Variants in PCDHA9 observed in about 807,000 individuals in gnomAD.
PCDHA9 encodes the protein protocadherin alpha-9.
PCDHA9 carries 62 observed loss-of-function variants against 62.0 expected under a neutral mutation model. The observed-to-expected ratio is 1.00, with a 90% CI of 0.81 to 1.23. PCDHA9 has a LOEUF of 1.23. Ranked by LOEUF, PCDHA9 falls within the 50% of genes most tolerant of loss-of-function variation. PCDHA9 has a pLI of 0.00. For synonymous variants in PCDHA9, 557 were observed against 567.6 expected (o/e 0.98, Z 0.27); for missense variants, 1,205 against 1,249.8 (o/e 0.96, Z 0.54).
At chr5:140,855,517 A>G (rs2043504995) in intron 1 of PCDHA9, among the ~76,000 whole-genome samples, 1 of 149,978 alleles carries the variant, frequency 6.7e-6, no homozygotes, top group Admixed American at 6.7e-5. Flanking sequence ...TCTCAAAATA[A>G]TGAGAAAGAG....
intron 1 of PCDHA9, among the ~76,000 whole-genome samples, chr5:140,901,988 T>C (rs892830479): frequency 6.6e-6 from 1 of 152,164 alleles, no homozygotes; most frequent in Admixed American, 6.6e-5. Context: ...TTTAATTTCA[T>C]TTTCAGATTG....
At chr5:140,954,119 C>A (rs547590061) in intron 1 of PCDHA9, among the ~76,000 whole-genome samples, 1 of 152,274 alleles carries the variant, frequency 6.6e-6, no homozygotes, top group African/African-American at 2.4e-5. Flanking sequence ...AGATCTTGTT[C>A]CTTTTTATGG....
At chr5:140,897,458 G>T (rs191522392) in intron 1 of PCDHA9, among the ~76,000 whole-genome samples, 1 of 151,310 alleles carries the variant, frequency 6.6e-6, no homozygotes, top group African/African-American at 2.4e-5. Flanking sequence ...TTGTCCTTGC[G>T]ATAGTTTACT....
In PCDHA9 at chr5:140,849,276, G is replaced by T; in HGVS notation, c.781G>T (p.Val261Leu). Residue 261 changes from valine to leucine, a missense_variant, in exon 1 of 4, where the codon GTG (valine) becomes TTG (leucine). Physicochemically the swap from Val to Leu is conservative, Grantham distance 32. This residue lies in a region of PCDHA9 where 110 missense variants were observed against 227.2 expected (regional missense o/e 0.48). Transcript: ENST00000532602. ...AGAAAACGTTTCTATCGGAACGCTG[G>T]TGATTCACCCCAATGCCTCAGATTT... ...LPENVSIGTL[V>L]IHPNASDLDE... is the part of the protein sequence containing the mutation. 8.5e-7 allele frequency: 1 copy of T among 1,173,354 alleles called. No homozygotes were observed. Among genetic ancestry groups the T allele is most frequent in the Non-Finnish European group, 1.2e-6 (1 of 852,772 alleles). 72.7% of individuals were successfully genotyped at this position (1,173,354 alleles called of 1,614,324 possible).
At chr5:140,915,582 G>T (rs991142864) in intron 1 of PCDHA9, among the ~76,000 whole-genome samples, 1 of 151,936 alleles carries the variant, frequency 6.6e-6, no homozygotes, top group Non-Finnish European at 1.5e-5. Context: ...CCAGGCAAAA[G>T]CACTTGTTCT....
At chr5:140,892,537 CTT>C (rs570429050) in intron 1 of PCDHA9, among the ~76,000 whole-genome samples, 2 of 152,252 alleles carry the variant, frequency 1.3e-5, no homozygotes, top group South Asian at 4.1e-4. Flanking sequence ...AGGATTCTGA[CTT>C]TTGTTTCTCT....
chr5:140,901,557 A>G (rs782333756), intron 1 of PCDHA9, among the ~76,000 whole-genome samples: 4 of 152,034 alleles, frequency 2.6e-5, no homozygotes, highest in Non-Finnish European at 5.9e-5. Context: ...CCATTCATCT[A>G]TGTGTCTGTT....
intron 1 of PCDHA9, among the ~76,000 whole-genome samples, chr5:140,938,831 A>G (rs782069247): frequency 2.0e-5 from 3 of 152,118 alleles, no homozygotes; most frequent in Non-Finnish European, 4.4e-5. Flanking sequence ...AGTTTGCGTT[A>G]TAACAAACCT....
chr5:140,927,601 G>C lies in PCDHA9; in HGVS notation c.2395-51348G>C, dbSNP rs1490799029. 27 of 1,614,082 alleles carry C rather than the reference G, an allele frequency of 1.7e-5. No individual in the cohort carries two copies. Among genetic ancestry groups the C allele is most frequent in the Non-Finnish European group, 2.3e-5 (27 of 1,180,040 alleles). Reference sequence around the variant, plus strand: ...CAACGCGCCTGTATTTGAGCGCTCCGTATACCGCACCAAGGTTCCAGAGAC... The same window carrying C: ...CAACGCGCCTGTATTTGAGCGCTCCCTATACCGCACCAAGGTTCCAGAGAC... On this transcript the variant is annotated intron_variant, in intron 1 of 3. Transcript: ENST00000532602.
intron 1 of PCDHA9, chr5:140,876,840 G>C: frequency 6.2e-7 from 1 of 1,614,166 alleles, no homozygotes; most frequent in Non-Finnish European, 8.5e-7. Flanking sequence ...CTGCGTTCGC[G>C]CAGCCCGAGT....
At chr5:140,877,970 T>A in intron 1 of PCDHA9, 1 of 1,279,190 alleles carries the variant, frequency 7.8e-7, no homozygotes. Flanking sequence ...TTCTTGGTCA[T>A]TCTTACTCAT....
intron 1 of PCDHA9, chr5:140,862,474 T>C (rs1342820666): frequency 2.6e-6 from 1 of 377,454 alleles, no homozygotes. Flanking sequence ...AGCAAATCTA[T>C]CCATTGTTGG....
rs2150424044 is a variant in PCDHA9, at chr5:140,848,904, C to G, written c.409C>G (p.Gln137Glu). ...CAACCCTCCAGTGTTCCCAGCGACACAAAAGAATCTGTTCATCGCGGAATC... is the reference window on the plus strand; with the variant it reads ...CAACCCTCCAGTGTTCCCAGCGACAGAAAAGAATCTGTTCATCGCGGAATC... ...NDNPPVFPAT[Q>E]KNLFIAESRP... The change falls in exon 1 of 4, where the codon CAA becomes GAA. Residue 137 changes from glutamine to glutamate, a missense_variant. Physicochemically the swap from Gln to Glu is conservative, Grantham distance 29. Coordinates refer to ENST00000532602, the MANE Select transcript of PCDHA9 (RefSeq NM_031857.2). 1 of 1,608,060 alleles carries G rather than the reference C, an allele frequency of 6.2e-7. No individual in the cohort carries two copies. Among genetic ancestry groups the G allele is most frequent in the Non-Finnish European group, 8.5e-7 (1 of 1,176,922 alleles).
intron 1 of PCDHA9, among the ~76,000 whole-genome samples, chr5:140,925,065 G>C (rs782540022): frequency 2.0e-5 from 3 of 151,188 alleles, no homozygotes; most frequent in Non-Finnish European, 4.4e-5. Flanking sequence ...GGGCAACAAA[G>C]CAACACGCTC....
In PCDHA9 at chr5:140,849,102, G is replaced by A; in HGVS notation, c.607G>A (p.Glu203Lys). The change falls in exon 1 of 4, where the codon GAA becomes AAA. Residue 203 changes from glutamate (E) to lysine (K), a missense_variant. Glu to Lys is a moderately conservative substitution (Grantham distance 56, BLOSUM62 1). Transcript: ENST00000532602. Reference sequence around the variant, plus strand: ...TGTATTACGGAAACTTTTAGACAGAGAAGAAACTCCGGAGCTTCATTTATT... The same window carrying A: ...TGTATTACGGAAACTTTTAGACAGAAAAGAAACTCCGGAGCTTCATTTATT... Reference protein sequence around the residue: ...GLVLRKLLDREETPELHLLLT... With the variant: ...GLVLRKLLDRKETPELHLLLT... The A allele has an allele frequency of 6.8e-7, 1 of 1,468,874 alleles. No homozygotes were observed. The highest frequency in any genetic ancestry group is 9.2e-7 in the Non-Finnish European group (1 of 1,083,020). 91.0% of individuals were successfully genotyped at this position (1,468,874 alleles called of 1,614,324 possible). A position where few individuals can be genotyped will look rare whatever the true frequency, so the allele number is the denominator to read the frequency against.
At chr5:140,901,060 A>AT (rs542927280) in intron 1 of PCDHA9, among the ~76,000 whole-genome samples, 21 of 151,128 alleles carry the variant, frequency 1.4e-4, no homozygotes, top group African/African-American at 3.2e-4. Flanking sequence ...AGATTATTAG[A>AT]TTTTTTTTTC....
intron 1 of PCDHA9, among the ~76,000 whole-genome samples, chr5:140,918,873 C>A (rs774088807): frequency 2.0e-5 from 3 of 152,166 alleles, no homozygotes; most frequent in Non-Finnish European, 4.4e-5. Flanking sequence ...AACTTTCAAG[C>A]CTCTAGAACA....
At chr5:140,883,341 C>G in intron 1 of PCDHA9, 1 of 1,614,144 alleles carries the variant, frequency 6.2e-7, no homozygotes, top group Non-Finnish European at 8.5e-7. Context: ...TTGTCACTCC[C>G]CATCAGAGAA....
At chr5:140,970,791 T>A (rs2096434096) in intron 1 of PCDHA9, among the ~76,000 whole-genome samples, 2 of 152,210 alleles carry the variant, frequency 1.3e-5, no homozygotes, top group South Asian at 2.1e-4. Flanking sequence ...GTATGTAATA[T>A]CCATATTGTT....
Sources: gnomAD v4.1 joint callset for allele counts (sites outside exome capture counted in the v4.1 genomes callset) on GRCh38, gnomAD v4.1.1 for gene constraint, gnomAD v4.1.1 regional missense constraint, MANE v1.5 for transcripts, NCBI Gene and HGNC (gene_info 2026-07-23, HGNC 2026-07-21) for gene names.